The following LMNA variants were observed in gnomAD, a reference collection of about 807,000 sequenced individuals.
LMNA encodes the protein lamin A/C.
Under a neutral mutation model 70.4 loss-of-function variants are expected in LMNA, and 20 were observed. That is an observed-to-expected ratio of 0.28 (90% CI 0.20 to 0.41). The LOEUF is 0.41. LMNA is among the 10% of genes least tolerant of loss of function. LMNA has a pLI of 1.00. For synonymous variants in LMNA, 339 were observed against 372.8 expected (o/e 0.91, Z 1.04); for missense variants, 652 against 917.2 (o/e 0.71, Z 3.73).
chr1:156,103,934 G>A lies in LMNA; in HGVS notation c.-206-10779G>A, dbSNP rs913080264. On this transcript the variant is annotated intron_variant, in intron 3 of 12. Transcript: ENST00000368301. This position sits in a 1 kb window ranked among gnomAD's most constrained non-coding sequence, Gnocchi z 4.7. ...GTCACTCCTTTCCTTCCCCGAACCC[G>A]GCCTCAGTTCCTGGGACATCCTGGC... Among the ~76,000 whole-genome samples the A allele has an allele frequency of 6.6e-6, 1 of 152,048 alleles. No individual in the cohort carries two copies. Among genetic ancestry groups the A allele is most frequent in the African/African-American group, 2.4e-5 (1 of 41,372 alleles).
chr1:156,092,895 T>C (rs1426168158), intron 3 of LMNA, among the ~76,000 whole-genome samples: 5 of 149,682 alleles, frequency 3.3e-5, no homozygotes, highest in African/African-American at 4.9e-5. Context: ...TTTTTCTTTT[T>C]TTTTTTTTTT....
chr1:156,135,496 C>A lies in LMNA; in HGVS notation c.936+184C>A. ...GAGTCAGATGGCCTGTGTGCTGTTT[C>A]TGTACACTCTTACCTCACCTTCACT... On this transcript the variant is annotated intron_variant, in intron 5 of 11. Transcript: ENST00000368300. The surrounding 1 kb of genome is among the most constrained non-coding windows in gnomAD (Gnocchi z 4.8). 1 of 754,140 alleles carries A rather than the reference C, an allele frequency of 1.3e-6. No homozygotes were observed. Among genetic ancestry groups the A allele is most frequent in the Non-Finnish European group, 2.2e-6 (1 of 450,140 alleles). 46.7% of individuals were successfully genotyped at this position (754,140 alleles called of 1,614,324 possible).
At chr1:156,119,460 C>G (rs1010892845) in intron 1 of LMNA, among the ~76,000 whole-genome samples, 2 of 152,182 alleles carry the variant, frequency 1.3e-5, no homozygotes, top group Non-Finnish European at 2.9e-5. Context: ...CACCGTGTTG[C>G]CCAAGCTGGT....
At chr1:156,109,520 GCA>G (rs1649461323), upstream of LMNA, 1 of 152,330 alleles carries the variant, frequency 6.6e-6, no homozygotes, top group African/African-American at 2.4e-5. Context: ...CAGCACCTCT[GCA>G]CAGACTTCCT....
chr1:156,084,593 C>T (rs914977163), intron 2 of LMNA, among the ~76,000 whole-genome samples: 1 of 152,116 alleles, frequency 6.6e-6, no homozygotes, highest in Non-Finnish European at 1.5e-5. Flanking sequence ...TTGTCCCCTC[C>T]GTCTGCCCCA....
At chr1:156,127,007 T>G in intron 1 of LMNA, 2 of 1,295,654 alleles carry the variant, frequency 1.5e-6, no homozygotes, top group South Asian at 1.5e-5. Flanking sequence ...CCTTCCCAGC[T>G]CCTCTGGCCT....
Position 156,139,897 on chromosome 1 carries a change from TGGG to T in LMNA, c.*792_*794del. The T allele has an allele frequency of 7.1e-7, 1 of 1,407,470 alleles. No homozygotes were observed. Among genetic ancestry groups the T allele is most frequent in the Non-Finnish European group, 9.3e-7 (1 of 1,070,764 alleles). 87.2% of individuals were successfully genotyped at this position (1,407,470 alleles called of 1,614,324 possible). Reference sequence around the variant, plus strand: ...TGGAGGTTGAAGCCAAGTGGGGTGCTGGGAGGAGGGAGAGGGAGGTCACTGGAA... The same window carrying T: ...TGGAGGTTGAAGCCAAGTGGGGTGCTAGGAGGGAGAGGGAGGTCACTGGAA... On this transcript the variant is annotated 3_prime_UTR_variant, in exon 12 of 12. Transcript: ENST00000368300.
chr1:156,091,981 G>C (rs1648721711), intron 3 of LMNA, among the ~76,000 whole-genome samples: 1 of 151,862 alleles, frequency 6.6e-6, no homozygotes, highest in African/African-American at 2.4e-5. Flanking sequence ...GCAGTGGCAT[G>C]ATTTTGGCTC....
chr1:156,139,582 CGAGAGG>C lies in LMNA; in HGVS notation c.*482_*487del. 7.1e-7 allele frequency: 1 copy of C among 1,401,678 alleles called. No individual in the cohort carries two copies. Among genetic ancestry groups the C allele is most frequent in the Non-Finnish European group, 9.2e-7 (1 of 1,083,032 alleles). 86.8% of individuals were successfully genotyped at this position (1,401,678 alleles called of 1,614,324 possible). A position where few individuals can be genotyped will look rare whatever the true frequency, so the allele number is the denominator to read the frequency against. ...GCAGGCTCACTGCCAGGCCAGCCTCCGAGAGGGAGAGAGAGAGAGAGAGGACAGCTT... is the reference window on the plus strand; with the variant it reads ...GCAGGCTCACTGCCAGGCCAGCCTCCGAGAGAGAGAGAGAGAGGACAGCTT... On this transcript the variant is annotated 3_prime_UTR_variant, in exon 12 of 12. Transcript: ENST00000368300.
Position 156,114,781 on chromosome 1 carries a change from T to TA in LMNA, c.-138_-137insA. The stretch of plus-strand genomic sequence containing the variant: ...GAGGTCCGACAGCGCCCGGCCCAGA[T>TA]CCCCACGCCTGCCAGGAGCAAGCCG... On this transcript the variant is annotated 5_prime_UTR_variant, in exon 1 of 12. Coordinates refer to ENST00000368300, the MANE Select transcript of LMNA (RefSeq NM_170707.4). The TA allele has an allele frequency of 1.6e-6, 1 of 641,150 alleles. No individual in the cohort carries two copies. The highest frequency in any genetic ancestry group is 2.6e-6 in the Non-Finnish European group (1 of 384,344). 39.7% of individuals were successfully genotyped at this position (641,150 alleles called of 1,614,324 possible).
At chr1:156,083,772 C>T (rs555594828) in intron 2 of LMNA, among the ~76,000 whole-genome samples, 3 of 152,132 alleles carry the variant, frequency 2.0e-5, no homozygotes, top group East Asian at 3.9e-4. Flanking sequence ...AGTGAGACTC[C>T]GTCCCCCCCA....
intron 3 of LMNA, among the ~76,000 whole-genome samples, chr1:156,100,802 A>T (rs941465397): frequency 2.0e-5 from 3 of 152,164 alleles, no homozygotes; most frequent in African/African-American, 7.2e-5. Context: ...GTGCTGGCAG[A>T]GCACCAGATC....
intron 2 of LMNA, among the ~76,000 whole-genome samples, chr1:156,089,786 C>T (rs937079514): frequency 1.3e-5 from 2 of 152,202 alleles, no homozygotes; most frequent in Non-Finnish European, 2.9e-5. Context: ...GGCACTTCCT[C>T]TGCCAGGTCC....
chr1:156,117,073 A>C (rs481995), intron 1 of LMNA, among the ~76,000 whole-genome samples: 20,328 of 140,062 alleles, frequency 0.15, 2,999 homozygotes, highest in African/African-American at 0.39. Context: ...GCCACCACAC[A>C]TGGCTATTTT....
chr1:156,095,420 T>G (rs944438710), intron 3 of LMNA, among the ~76,000 whole-genome samples: 1 of 151,774 alleles, frequency 6.6e-6, no homozygotes, highest in Non-Finnish European at 1.5e-5. Context: ...TCACTCCCCA[T>G]CTCAGTTTCC....
At chr1:156,084,342 G>GGGT (rs1648402109) in intron 2 of LMNA, among the ~76,000 whole-genome samples, 1 of 117,122 alleles carries the variant, frequency 8.5e-6, no homozygotes, top group Non-Finnish European at 1.8e-5. Flanking sequence ...GGGTGGTGGG[G>GGGT]GCAGTTGGCA....
Position 156,137,871 on chromosome 1 carries a change from C to T in LMNA, c.1698+128C>T. 1 of 1,519,192 alleles carries T rather than the reference C, an allele frequency of 6.6e-7. No individual in the cohort carries two copies. The highest frequency in any genetic ancestry group is 8.8e-7 in the Non-Finnish European group (1 of 1,137,092). The allele number at this position is 1,519,192 out of a possible 1,614,324, so 94.1% of individuals were successfully genotyped here. On this transcript the variant is annotated intron_variant, in intron 10 of 11. Transcript: ENST00000368300. This position sits in a 1 kb window ranked among gnomAD's most constrained non-coding sequence, Gnocchi z 4.6. ...AAAGAATGTTTTGGAACTTTACTCG[C>T]TGGCCTGGCCTTTCTTCTCTCTCCT...
At chr1:156,109,781 A>C (rs1649466127), upstream of LMNA, 1 of 139,786 alleles carries the variant, frequency 7.2e-6, no homozygotes, top group Non-Finnish European at 1.5e-5. Context: ...TATTCTGCTA[A>C]ATGTATGCAT....
Position 156,139,823 on chromosome 1 carries a change from T to C in LMNA, c.*717T>C. 6.5e-7 allele frequency: 1 copy of C among 1,527,966 alleles called. No homozygotes were observed. Among genetic ancestry groups the C allele is most frequent in the Non-Finnish European group, 8.7e-7 (1 of 1,143,012 alleles). The allele number at this position is 1,527,966 out of a possible 1,614,324, so 94.7% of individuals were successfully genotyped here. On this transcript the variant is annotated 3_prime_UTR_variant, in exon 12 of 12. Coordinates refer to ENST00000368300, the MANE Select transcript of LMNA (RefSeq NM_170707.4). Reference sequence around the variant, plus strand: ...GAAGAAGGGAGAAGAAAGGTGAGTTTGAGCTGCCTTCCCTAGCTTTAGACC... The same window carrying C: ...GAAGAAGGGAGAAGAAAGGTGAGTTCGAGCTGCCTTCCCTAGCTTTAGACC...
Sources: allele counts gnomAD v4.1 joint callset (sites outside exome capture counted in the v4.1 genomes callset), GRCh38; gene constraint gnomAD v4.1.1; non-coding constraint Gnocchi (gnomAD v3.1); transcripts MANE v1.5; gene names NCBI Gene and HGNC (gene_info 2026-07-23, HGNC 2026-07-21).